The following CTH variants were observed in gnomAD, a reference collection of about 807,000 sequenced individuals.
CTH encodes the protein cystathionase (cystathionine gamma-lyase).
In CTH, 41 loss-of-function variants were observed where a neutral mutation model predicts 50.6. That is an observed-to-expected ratio of 0.81 (90% CI 0.63 to 1.05). The LOEUF is 1.05. Among genes scored for constraint, CTH ranks in the 50% least tolerant of loss-of-function variants. The pLI is 0.00. For synonymous variants in CTH, 156 were observed against 168.9 expected (o/e 0.92, Z 0.59); for missense variants, 470 against 492.6 (o/e 0.95, Z 0.43).
At chr1:70,419,818 CA>C (rs1283373706) in intron 3 of CTH, among the ~76,000 whole-genome samples, 2 of 152,110 alleles carry the variant, frequency 1.3e-5, no homozygotes, top group Admixed American at 6.5e-5. Flanking sequence ...GTATTTAAAA[CA>C]AAAGCAAGGA....
At chr1:70,415,395 T>A (rs1048299198) in intron 1 of CTH, among the ~76,000 whole-genome samples, 1 of 151,394 alleles carries the variant, frequency 6.6e-6, no homozygotes, top group African/African-American at 2.4e-5. Flanking sequence ...CAGAGTGAGG[T>A]CCTATCCTTA....
chr1:70,437,700 T>C (rs1464497189), intron 10 of CTH, among the ~76,000 whole-genome samples: 2 of 152,196 alleles, frequency 1.3e-5, no homozygotes, highest in East Asian at 3.9e-4. Flanking sequence ...AACACTTTAG[T>C]AAAGTGACAA....
chr1:70,427,927 G>C (rs1684382985), intron 5 of CTH, among the ~76,000 whole-genome samples: 1 of 152,058 alleles, frequency 6.6e-6, no homozygotes, highest in South Asian at 2.1e-4. Context: ...TGGCCAGGCT[G>C]GTCTCAAACT....
At chr1:70,429,763 C>T (rs773402430) in intron 5 of CTH, 31 bp from the exon 6 acceptor site, 1 of 1,528,544 alleles carries the variant, frequency 6.5e-7, no homozygotes, top group African/African-American at 1.4e-5. Context: ...CAAATTGTTT[C>T]TCATTTAAAG....
At chr1:70,425,206 A>G (rs1684321608) in intron 5 of CTH, among the ~76,000 whole-genome samples, 1 of 152,066 alleles carries the variant, frequency 6.6e-6, no homozygotes, top group Admixed American at 6.6e-5. Flanking sequence ...AGATCTCTTT[A>G]ACTTATTATT....
intron 3 of CTH, 145 bp downstream of exon 3, chr1:70,418,177 A>C (rs1684135252): frequency 2.1e-6 from 2 of 948,804 alleles, no homozygotes; most frequent in Non-Finnish European, 3.2e-6. Flanking sequence ...ATGCTCTCTC[A>C]GACTTGGGAA....
At position 70,411,382 on chromosome 1, in the gene CTH, G is replaced by A; in HGVS notation, c.-34G>A. On this transcript the variant is annotated 5_prime_UTR_variant, in exon 1 of 12. Coordinates refer to ENST00000370938, the MANE Select transcript of CTH (RefSeq NM_001902.6). ...GGCTTCGACTGGTTATATCTTCGGT[G>A]TTCTTTTCCTCTCTTCTTCTTTCGC... 1 of 1,612,862 alleles carries A rather than the reference G, an allele frequency of 6.2e-7. No homozygotes were observed. The highest frequency in any genetic ancestry group is 1.3e-5 in the African/African-American group (1 of 75,018).
chr1:70,412,128 G>T (rs1347616912), intron 1 of CTH, among the ~76,000 whole-genome samples: 1 of 152,184 alleles, frequency 6.6e-6, no homozygotes, highest in Non-Finnish European at 1.5e-5. Context: ...AAGAAGCTGA[G>T]ATTTAGGGAG....
intron 1 of CTH, among the ~76,000 whole-genome samples, chr1:70,413,794 T>A (rs1572249790): frequency 6.9e-6 from 1 of 144,844 alleles, no homozygotes; most frequent in South Asian, 2.2e-4. Context: ...CAGGCTGGAG[T>A]GCAGTGGTGC....
intron 9 of CTH, among the ~76,000 whole-genome samples, chr1:70,434,699 T>C (rs949242323): frequency 6.6e-6 from 1 of 151,850 alleles, no homozygotes; most frequent in Non-Finnish European, 1.5e-5. Context: ...CATTTAGAGA[T>C]TTTTTTATTT....
At chr1:70,436,220 G>A (rs1432313714) in intron 10 of CTH, among the ~76,000 whole-genome samples, 1 of 151,994 alleles carries the variant, frequency 6.6e-6, no homozygotes, top group Non-Finnish European at 1.5e-5. Flanking sequence ...GCTAAGGCAC[G>A]AGAATCGCTT....
chr1:70,417,861 C>T, intron 2 of CTH, 76 bp from the exon 3 acceptor site: 1 of 1,524,250 alleles, frequency 6.6e-7, no homozygotes, highest in Non-Finnish European at 9.1e-7. Context: ...TAAAGTAAGT[C>T]AGGTAAATAC....
In CTH at chr1:70,430,280, T is replaced by C. The variant is rs749046840; in HGVS notation, c.647-37T>C. On this transcript the variant is annotated intron_variant, in intron 6 of 11. Transcript: ENST00000370938. ...AGAGTAAACATAAATTGTTTCTAAC[T>C]GAAATTTTTGTTTGTTTGTTTGTTT... is the stretch of plus-strand genomic sequence containing the variant. 2.0e-5 allele frequency: 23 copies of C among 1,175,298 alleles called. No individual in the cohort carries two copies. The South Asian group carries it at 2.2e-4, about 11-fold the overall frequency. 72.8% of individuals were successfully genotyped at this position (1,175,298 alleles called of 1,614,324 possible).
At chr1:70,431,332 C>G (rs1382027138) in intron 7 of CTH, among the ~76,000 whole-genome samples, 1 of 149,776 alleles carries the variant, frequency 6.7e-6, no homozygotes, top group Non-Finnish European at 1.5e-5. Flanking sequence ...GTTTTTTTTT[C>G]TTTTTTAAAA....
At chr1:70,432,004 T>C (rs1172841457) in intron 7 of CTH, 79 bp from the exon 8 acceptor site, 11 of 1,468,836 alleles carry the variant, frequency 7.5e-6, no homozygotes, top group Middle Eastern at 1.7e-4. Context: ...TGAGAGTCAC[T>C]GTAATGGAAA....
intron 3 of CTH, among the ~76,000 whole-genome samples, chr1:70,420,038 G>T (rs1235207132): frequency 6.6e-6 from 1 of 150,844 alleles, no homozygotes; most frequent in Non-Finnish European, 1.5e-5. Context: ...CTGTTGCCAG[G>T]CTGGAGTGCA....
chr1:70,431,396 G>T (rs554050016), intron 7 of CTH, among the ~76,000 whole-genome samples: 18 of 151,778 alleles, frequency 1.2e-4, no homozygotes, highest in Admixed American at 9.2e-4. Flanking sequence ...CACGAATGAT[G>T]GTTAATTTTA....
chr1:70,436,907 T>C (rs1419515994), intron 10 of CTH, among the ~76,000 whole-genome samples: 1 of 152,184 alleles, frequency 6.6e-6, no homozygotes, highest in African/African-American at 2.4e-5. Flanking sequence ...TTGTTTAAAG[T>C]TGCTTGGCCC....
At position 70,411,422 on chromosome 1, in the gene CTH, GAA is replaced by G. The variant is rs36065609; in HGVS notation, c.11_12del (p.Lys4ArgfsTer55). MQ[E>X]KDASSQGFLP... The stretch of plus-strand genomic sequence containing the variant: ...TCTTCTTTCGCGGTTCAGCATGCAG[GAA>G]AAAGACGCCTCCTCACAAGGTTTCC... On this transcript the variant is annotated frameshift_variant, in exon 1 of 12. Transcript: ENST00000370938. LOFTEE classifies it high-confidence loss of function. The G allele has an allele frequency of 1.9e-6, 3 of 1,614,088 alleles. No homozygotes were observed. The highest frequency in any genetic ancestry group is 2.5e-6 in the Non-Finnish European group (3 of 1,179,978).
Sources: allele counts gnomAD v4.1 joint callset (sites outside exome capture counted in the v4.1 genomes callset), GRCh38; gene constraint gnomAD v4.1.1; transcripts MANE v1.5; gene names NCBI Gene and HGNC (gene_info 2026-07-23, HGNC 2026-07-21).